Variants in ZNF512B observed in about 807,000 individuals in gnomAD.
The protein encoded by ZNF512B is zinc finger protein 512B.
A neutral mutation model predicts 87.8 loss-of-function variants in ZNF512B; 22 were observed. That is an observed-to-expected ratio of 0.25 (90% CI 0.18 to 0.36). The LOEUF is 0.36. ZNF512B is among the 10% of genes least tolerant of loss of function. The pLI is 1.00. For synonymous variants in ZNF512B, 524 were observed against 490.9 expected (o/e 1.07, Z -0.89); for missense variants, 1,060 against 1,231.6 (o/e 0.86, Z 2.09).
chr20:63,959,761 C>G lies in ZNF512B; in HGVS notation c.*127G>C, dbSNP rs1194752212. 7.3e-7 allele frequency: 1 copy of G among 1,373,354 alleles called. No homozygotes were observed. The highest frequency in any genetic ancestry group is 9.6e-7 in the Non-Finnish European group (1 of 1,038,104). 85.1% of individuals were successfully genotyped at this position (1,373,354 alleles called of 1,614,324 possible). On this transcript the variant is annotated 3_prime_UTR_variant, in exon 17 of 17. Coordinates refer to ENST00000369888, the MANE Select transcript of ZNF512B (RefSeq NM_020713.3). ...AGGGAAGGGAGAGTGGCTGGCTGCC[C>G]CACTGGACGGATGAAGAGGCGGGGG...
At chr20:63,960,824 A>C (rs577615461) in intron 16 of ZNF512B, among the ~76,000 whole-genome samples, 145 of 135,170 alleles carry the variant, frequency 1.1e-3, no homozygotes, top group Non-Finnish European at 1.9e-3. Context: ...CACAGCCTTC[A>C]GGACCAGGCA....
rs576833424 is a variant in ZNF512B, at chr20:63,966,325, C to T, written c.850G>A (p.Val284Ile). The change falls in exon 5 of 17, where the codon GTT becomes ATT. Residue 284 changes from valine (V) to isoleucine (I), a missense_variant. Transcript: ENST00000369888. ...TTGGTGACCGGCACGGGTTTCGTAA[C>T]TGTCACAAGCTTTGTTACCGTAATG... ...KPITVTKLVT[V>I]TKPVPVTKPV... is the part of the protein sequence containing the mutation. The T allele has an allele frequency of 7.5e-6, 12 of 1,594,956 alleles. No individual in the cohort carries two copies. In the South Asian group the frequency reaches 1.2e-4, roughly 16 times the overall value.
intron 14 of ZNF512B, 77 bp from the exon 15 acceptor site, chr20:63,962,081 G>A: frequency 6.7e-7 from 1 of 1,486,034 alleles, no homozygotes; most frequent in East Asian, 2.5e-5. Flanking sequence ...CTACCCCAGG[G>A]GATCTCTGAG....
intron 1 of ZNF512B, among the ~76,000 whole-genome samples, chr20:63,968,520 AG>A (rs1310683256): frequency 1.3e-5 from 2 of 152,270 alleles, no homozygotes; most frequent in East Asian, 3.9e-4. Flanking sequence ...CAGCCTACCC[AG>A]GCAGGTACCC....
At chr20:63,964,773 C>G (rs1454152180) in intron 5 of ZNF512B, 57 bp from the exon 6 acceptor site, 4 of 1,588,486 alleles carry the variant, frequency 2.5e-6, no homozygotes, top group African/African-American at 1.3e-5. Context: ...CCCCATTACC[C>G]CCAGGCCGTG....
At chr20:63,969,064 C>G in intron 1 of ZNF512B, 1 of 958,144 alleles carries the variant, frequency 1.0e-6, no homozygotes, top group Non-Finnish European at 1.2e-6. Context: ...GAGGTCAGGA[C>G]AGTCACTGCC....
At chr20:63,965,854 C>T (rs571059170) in intron 5 of ZNF512B, among the ~76,000 whole-genome samples, 2 of 33,218 alleles carry the variant, frequency 6.0e-5, no homozygotes, top group Admixed American at 4.5e-4. Context: ...TGTTCCCCGA[C>T]CTGGGACGAG....
chr20:63,959,752 C>T lies in ZNF512B; in HGVS notation c.*136G>A. 1 of 1,321,392 alleles carries T rather than the reference C, an allele frequency of 7.6e-7. No individual in the cohort carries two copies. Among genetic ancestry groups the T allele is most frequent in the South Asian group, 1.6e-5 (1 of 64,454 alleles). 81.9% of individuals were successfully genotyped at this position (1,321,392 alleles called of 1,614,324 possible). A position where few individuals can be genotyped will look rare whatever the true frequency, so the allele number is the denominator to read the frequency against. ...GCCACCTTCAGGGAAGGGAGAGTGG[C>T]TGGCTGCCCCACTGGACGGATGAAG... is the stretch of plus-strand genomic sequence containing the variant. On this transcript the variant is annotated 3_prime_UTR_variant, in exon 17 of 17. Transcript: ENST00000369888.
intron 12 of ZNF512B, 95 bp from the exon 13 acceptor site, chr20:63,962,876 A>G: frequency 7.5e-7 from 1 of 1,328,804 alleles, no homozygotes; most frequent in East Asian, 2.5e-5. Context: ...GTGGACCCAC[A>G]GGCCTCCCAG....
In ZNF512B at chr20:63,959,855, G is replaced by T; in HGVS notation, c.*33C>A. 1 of 1,525,210 alleles carries T rather than the reference G, an allele frequency of 6.6e-7. No individual in the cohort carries two copies. 94.5% of individuals were successfully genotyped at this position (1,525,210 alleles called of 1,614,324 possible). A position where few individuals can be genotyped will look rare whatever the true frequency, so the allele number is the denominator to read the frequency against. On this transcript the variant is annotated 3_prime_UTR_variant, in exon 17 of 17. Transcript: ENST00000369888. ...TGCCTTGAACAGAGGGCGGTGTGGC[G>T]GCTGCATGGGGGCCAGGCCCCACGC...
chr20:63,962,811 G>C, intron 12 of ZNF512B, 30 bp from the exon 13 acceptor site: 1 of 1,558,836 alleles, frequency 6.4e-7, no homozygotes, highest in Non-Finnish European at 8.7e-7. Flanking sequence ...GGAGGCTAGA[G>C]TGAGCCGCGG....
chr20:63,966,443 CCTG>C lies in ZNF512B; in HGVS notation c.729_731del (p.Ser243del). On this transcript the variant is annotated inframe_deletion, in exon 5 of 17. Coordinates refer to ENST00000369888, the MANE Select transcript of ZNF512B (RefSeq NM_020713.3). The stretch of plus-strand genomic sequence containing the variant: ...GCATGGCCTTGGTGACGGGCATGGG[CCTG>C]CTGACTGTGACAGGTTTGGTGACTG... 2 of 1,613,712 alleles carry C rather than the reference CCTG, an allele frequency of 1.2e-6. No homozygotes were observed. The highest frequency in any genetic ancestry group is 1.7e-6 in the Non-Finnish European group (2 of 1,179,940).
At position 63,961,938 on chromosome 20, in the gene ZNF512B, T is replaced by A. The variant is rs769122098; in HGVS notation, c.2328+4A>T. 1.3e-6 allele frequency: 2 copies of A among 1,551,004 alleles called. No individual in the cohort carries two copies. Among genetic ancestry groups the A allele is most frequent in the Non-Finnish European group, 1.7e-6 (2 of 1,146,892 alleles). On this transcript the variant is annotated splice_donor_region_variant and intron_variant, in intron 15 of 16. Coordinates refer to ENST00000369888, the MANE Select transcript of ZNF512B (RefSeq NM_020713.3). The surrounding 1 kb of genome is among the most constrained non-coding windows in gnomAD (Gnocchi z 6.4). ...CTGGCCGTGGGGCAGGCCCCAGAAC[T>A]GACCTTACTGCAGCTGGCGAGATGA...
intron 16 of ZNF512B, 126 bp from the exon 17 acceptor site, chr20:63,960,265 A>G (rs1601471402): frequency 7.2e-7 from 1 of 1,395,494 alleles, no homozygotes; most frequent in Non-Finnish European, 9.6e-7. Flanking sequence ...AGGGCTGGAC[A>G]CAGCCTTTAG....
intron 10 of ZNF512B, 47 bp downstream of exon 10, chr20:63,963,571 G>A (rs755371487): frequency 3.1e-6 from 5 of 1,606,288 alleles, no homozygotes; most frequent in South Asian, 1.1e-5. Flanking sequence ...AAGGTGGGGT[G>A]CGAGGTCAGA....
intron 1 of ZNF512B, among the ~76,000 whole-genome samples, chr20:63,968,889 G>C (rs2058953692): frequency 6.6e-6 from 1 of 152,382 alleles, no homozygotes; most frequent in Non-Finnish European, 1.5e-5. Context: ...GAGCAGAGGA[G>C]ACTCTGGGCC....
chr20:63,967,298 G>T, intron 3 of ZNF512B, 83 bp downstream of exon 3: 1 of 1,507,198 alleles, frequency 6.6e-7, no homozygotes, highest in Non-Finnish European at 8.9e-7. Context: ...GGTACCAGAT[G>T]TGCAGAGGAC....
At position 63,961,499 on chromosome 20, in the gene ZNF512B, G is replaced by A; in HGVS notation, c.2329-92C>T. The A allele has an allele frequency of 8.1e-7, 1 of 1,233,044 alleles. No homozygotes were observed. The highest frequency in any genetic ancestry group is 1.2e-6 in the Non-Finnish European group (1 of 855,526). 76.4% of individuals were successfully genotyped at this position (1,233,044 alleles called of 1,614,324 possible). Reference sequence around the variant, plus strand: ...CATGGCTAAAGGGTCAGAGTCAGCGGTGGCCCAAGGAAAGCTGTGGCTGTC... The same window carrying A: ...CATGGCTAAAGGGTCAGAGTCAGCGATGGCCCAAGGAAAGCTGTGGCTGTC... On this transcript the variant is annotated intron_variant, in intron 15 of 16. Transcript: ENST00000369888. This position sits in a 1 kb window ranked among gnomAD's most constrained non-coding sequence, Gnocchi z 6.4.
chr20:63,963,925 G>T lies in ZNF512B; in HGVS notation c.1481-12C>A. On this transcript the variant is annotated splice_polypyrimidine_tract_variant and intron_variant, in intron 8 of 16. Coordinates refer to ENST00000369888, the MANE Select transcript of ZNF512B (RefSeq NM_020713.3). ...CTCTTCAGGGCCACCTGTGGGTAAGGCAGGGGCCTCGAAGGCTTGTGGGGG... is the reference window on the plus strand; with the variant it reads ...CTCTTCAGGGCCACCTGTGGGTAAGTCAGGGGCCTCGAAGGCTTGTGGGGG... 4 of 1,608,290 alleles carry T rather than the reference G, an allele frequency of 2.5e-6. No individual in the cohort carries two copies. Among genetic ancestry groups the T allele is most frequent in the Non-Finnish European group, 2.5e-6 (3 of 1,179,946 alleles).
Sources: allele counts gnomAD v4.1 joint callset (sites outside exome capture counted in the v4.1 genomes callset), GRCh38; gene constraint gnomAD v4.1.1; non-coding constraint Gnocchi (gnomAD v3.1); transcripts MANE v1.5; gene names NCBI Gene and HGNC (gene_info 2026-07-23, HGNC 2026-07-21).